The following SLU7 variants were observed in gnomAD, a reference collection of about 807,000 sequenced individuals.
The protein encoded by SLU7 is pre-mRNA-splicing factor SLU7.
SLU7 carries 60 observed loss-of-function variants against 87.0 expected under a neutral mutation model. The observed-to-expected ratio is 0.69, with a 90% confidence interval of 0.56 to 0.86. The LOEUF is 0.86. SLU7 is among the 40% of genes least tolerant of loss of function. The probability of loss-of-function intolerance (pLI) is 0.00; values close to 1 mark genes in which losing one functional copy is unlikely to be tolerated. For missense variants in SLU7, 507 were observed against 686.6 expected, an observed-to-expected ratio of 0.74 and a Z score of 2.92; for synonymous variants, 197 against 222.0, an observed-to-expected ratio of 0.89 and a Z score of 1.00.
At chr5:160,412,305 C>T in intron 6 of SLU7, 146 bp downstream of exon 6, 1 of 567,622 alleles carries the variant, frequency 1.8e-6, no homozygotes, top group African/African-American at 1.9e-5. Flanking sequence ...TTACTATGAA[C>T]TGTATACAAA....
At chr5:160,408,859 AT>A (rs1302150107) in intron 6 of SLU7, among the ~76,000 whole-genome samples, 162 bp from the exon 7 acceptor site, 19 of 52,756 alleles carry the variant, frequency 3.6e-4, no homozygotes, top group Non-Finnish European at 6.2e-4. Flanking sequence ...TATAATAAAT[AT>A]TTATTATATA....
At chr5:160,417,812 G>A (rs1052909599) in intron 1 of SLU7, among the ~76,000 whole-genome samples, 18 of 112,370 alleles carry the variant, frequency 1.6e-4, no homozygotes, top group Non-Finnish European at 3.6e-4. Flanking sequence ...AAAAAAAAAT[G>A]ACGCTCCAAA....
Position 160,406,575 on chromosome 5 carries a change from T to C in SLU7, c.1180A>G (p.Thr394Ala). ...CTTGAGTACTCCACATAGTCTTCAG[T>C]CTGGGCTAAAAGCAATTCAGCTGGA... ...APPAELLLAQ[T>A]EDYVEYSRHG... The change falls in exon 12 of 16, where the codon ACT becomes GCT. Residue 394 changes from threonine to alanine, a missense_variant. Coordinates refer to ENST00000297151, the MANE Select transcript of SLU7 (RefSeq NM_006425.5). The C allele has an allele frequency of 1.2e-6, 2 of 1,613,502 alleles. No individual in the cohort carries two copies. The highest frequency in any genetic ancestry group is 1.7e-6 in the Non-Finnish European group (2 of 1,179,674).
Position 160,408,759 on chromosome 5 carries a change from T to C in SLU7, c.640-62A>G, listed in dbSNP as rs1348813827. ...ATTCCACTTAATCCAATTAACTTTA[T>C]TATTAAGATAATAAAGTATTATTAT... On this transcript the variant is annotated intron_variant, in intron 6 of 15. Coordinates refer to ENST00000297151, the MANE Select transcript of SLU7 (RefSeq NM_006425.5). 6 of 560,684 alleles carry C rather than the reference T, an allele frequency of 1.1e-5. No homozygotes were observed. In the East Asian group the frequency reaches 1.6e-4, roughly 15 times the overall value. 34.7% of individuals were successfully genotyped at this position (560,684 alleles called of 1,614,324 possible).
At chr5:160,404,992 G>C (rs541414621) in intron 13 of SLU7, 39 bp downstream of exon 13, 1 of 1,559,388 alleles carries the variant, frequency 6.4e-7, no homozygotes, top group African/African-American at 1.4e-5. Context: ...AGGAGCTTCG[G>C]TTGTTTTATA....
rs1344219803 is a variant in SLU7, at chr5:160,407,484, G to A, written c.1117C>T (p.Leu373=). The A allele has an allele frequency of 6.2e-7, 1 of 1,606,172 alleles. No homozygotes were observed. Among genetic ancestry groups the A allele is most frequent in the Non-Finnish European group, 8.5e-7 (1 of 1,177,706 alleles). ...ATTTTGGTCAAAATTACCTTTTCCA[G>A]GATGCTTTCTTTCTGCTGTTCTTTG... is the stretch of plus-strand genomic sequence containing the variant. ...DFKEQQKESI[L]EKYGGQEHLD... The change falls in exon 11 of 16, where the codon CTG becomes TTG. Residue 373 remains leucine (L), a synonymous_variant. Coordinates refer to ENST00000297151, the MANE Select transcript of SLU7 (RefSeq NM_006425.5). The surrounding 1 kb of genome is among the most constrained non-coding windows in gnomAD (Gnocchi z 4.2).
chr5:160,406,040 C>T lies in SLU7; in HGVS notation c.1287+428G>A, dbSNP rs77791876. ...TTAATTTTCTGAAGTGCAATAATGT[C>T]GATGTGGTTATATAGAAGAAAATCC... On this transcript the variant is annotated intron_variant, in intron 12 of 15. Coordinates refer to ENST00000297151, the MANE Select transcript of SLU7 (RefSeq NM_006425.5). Among the ~76,000 whole-genome samples, 1,032 of 152,126 alleles carry T rather than the reference C, an allele frequency of 6.8e-3. 11 individuals carry two copies. The highest frequency in any genetic ancestry group is 0.02 in the South Asian group (98 of 4,814).
In SLU7 at chr5:160,415,227, T is replaced by C; in HGVS notation, c.68A>G (p.Glu23Gly). The change falls in exon 2 of 16, where the codon GAA becomes GGA. Residue 23 changes from glutamate (E) to glycine (G), a missense_variant. Glu to Gly is a moderately conservative substitution (Grantham distance 98, BLOSUM62 -2). This residue lies in a region of SLU7 where 33 missense variants were observed against 37.3 expected (regional missense o/e 0.88). Coordinates refer to ENST00000297151, the MANE Select transcript of SLU7 (RefSeq NM_006425.5). Reference protein sequence around the residue: ...PLSGSKEMSLEEPKKMTREDW... With the variant: ...PLSGSKEMSLGEPKKMTREDW... ...CTCTCTGGTCATCTTCTTTGGTTCT[T>C]CCAAACTCATTTCTTTGGACCCCGA... 6.2e-7 allele frequency: 1 copy of C among 1,611,324 alleles called. No homozygotes were observed. The highest frequency in any genetic ancestry group is 2.2e-5 in the East Asian group (1 of 44,682).
At chr5:160,416,487 G>C (rs910017562) in intron 1 of SLU7, among the ~76,000 whole-genome samples, 1 of 152,296 alleles carries the variant, frequency 6.6e-6, no homozygotes, top group Middle Eastern at 3.4e-3. Context: ...TTAGAGGCCA[G>C]AGGCATTTAA....
In SLU7 at chr5:160,402,663, TAC is replaced by T. The variant is rs1764828664; in HGVS notation, c.*620_*621del. On this transcript the variant is annotated 3_prime_UTR_variant, in exon 16 of 16. Transcript: ENST00000297151. ...GCAATAAAGTTTGAAGCTTAATAAA[TAC>T]AGAGAAAGAGACATTCTTAATAGGT... 7.2e-5 allele frequency: 11 copies of T among 152,194 alleles called. No homozygotes were observed. The highest frequency in any genetic ancestry group is 5.9e-4 in the Admixed American group (9 of 15,276). 9.4% of individuals were successfully genotyped at this position (152,194 alleles called of 1,614,324 possible).
At position 160,414,462 on chromosome 5, in the gene SLU7, G is replaced by A. The variant is rs776898578; in HGVS notation, c.181C>T (p.Pro61Ser). 1 of 1,542,576 alleles carries A rather than the reference G, an allele frequency of 6.5e-7. No individual in the cohort carries two copies. Reference sequence around the variant, plus strand: ...GAAGAAATATACTGAGGAATATGGGGGTTGATGTCTCTGTAATTAAAGTAA... The same window carrying A: ...GAAGAAATATACTGAGGAATATGGGAGTTGATGTCTCTGTAATTAAAGTAA... ...EVDEEGKDIN[P>S]HIPQYISSVP... The change falls in exon 3 of 16, where the codon CCC becomes TCC. Residue 61 changes from proline (P) to serine (S), a missense_variant. Physicochemically the swap from Pro to Ser is moderately conservative, Grantham distance 74. Coordinates refer to ENST00000297151, the MANE Select transcript of SLU7 (RefSeq NM_006425.5).
At position 160,403,290 on chromosome 5, in the gene SLU7, G is replaced by A. The variant is rs2113089367; in HGVS notation, c.1756C>T (p.Gln586Ter). Residue 586 changes from glutamine to a stop codon, truncating the protein, a stop_gained, in exon 16 of 16, where the codon CAG becomes TAG. Transcript: ENST00000297151. LOFTEE classifies it high-confidence loss of function. Reference sequence around the variant, plus strand: ...GATGGTCTTCTGACTAGTTGCTACTGTCCAAGGAAAGAGGCCATGGGGTCA... The same window carrying A: ...GATGGTCTTCTGACTAGTTGCTACTATCCAAGGAAAGAGGCCATGGGGTCA... Reference protein sequence around the residue: ...PDDPMASFLGQ With the variant: ...PDDPMASFLG The A allele has an allele frequency of 6.3e-7, 1 of 1,597,174 alleles. No individual in the cohort carries two copies. Among genetic ancestry groups the A allele is most frequent in the South Asian group, 1.1e-5 (1 of 88,260 alleles).
chr5:160,403,516 T>A, intron 15 of SLU7, 52 bp from the exon 16 acceptor site: 1 of 1,471,694 alleles, frequency 6.8e-7, no homozygotes, highest in Non-Finnish European at 9.1e-7. Context: ...AGATGTCTTT[T>A]CTTCAAAAGT....
chr5:160,412,810 C>T (rs988024188), intron 5 of SLU7, among the ~76,000 whole-genome samples: 3 of 152,016 alleles, frequency 2.0e-5, no homozygotes, highest in Admixed American at 1.3e-4. Flanking sequence ...CAAAAACAAG[C>T]AGTTGCCACA....
chr5:160,415,405 A>T, intron 1 of SLU7, 95 bp from the exon 2 acceptor site: 1 of 939,830 alleles, frequency 1.1e-6, no homozygotes, highest in Non-Finnish European at 1.5e-6. Context: ...ACTGTTTCAT[A>T]TGTTTTTTTT....
intron 1 of SLU7, among the ~76,000 whole-genome samples, chr5:160,416,339 C>T (rs968636488): frequency 3.3e-5 from 5 of 152,154 alleles, no homozygotes; most frequent in African/African-American, 1.2e-4. Context: ...CTTCAATGGT[C>T]ACAATACAAC....
At chr5:160,413,397 G>C in intron 5 of SLU7, 59 bp downstream of exon 5, 1 of 1,487,098 alleles carries the variant, frequency 6.7e-7, no homozygotes, top group South Asian at 1.2e-5. Flanking sequence ...AGAGCTGCTA[G>C]AGATACAGCA....
chr5:160,408,282 GAAGAC>G, intron 8 of SLU7, 42 bp downstream of exon 8: 1 of 1,573,540 alleles, frequency 6.4e-7, no homozygotes. Context: ...TTTATGCTGG[GAAGAC>G]AAGTATTTTT....
rs1764803817 is a variant in SLU7 at position 160,402,050 on chromosome 5, C to T, written c.*1235G>A. ...TTCACAGTGTTCTGAGAAGAGGCTT[C>T]AGGATCATGGCAATCTATTACTAAT... is the stretch of plus-strand genomic sequence containing the variant. On this transcript the variant is annotated 3_prime_UTR_variant, in exon 16 of 16. Coordinates refer to ENST00000297151, the MANE Select transcript of SLU7 (RefSeq NM_006425.5). The T allele has an allele frequency of 2.0e-5, 3 of 152,300 alleles. No homozygotes were observed. In the South Asian group the frequency reaches 6.2e-4, roughly 32 times the overall value. The allele number at this position is 152,300 out of a possible 1,614,324, so 9.4% of individuals were successfully genotyped here.
Sources: gnomAD v4.1 joint callset for allele counts (sites outside exome capture counted in the v4.1 genomes callset) on GRCh38, gnomAD v4.1.1 for gene constraint, gnomAD v4.1.1 regional missense constraint, Gnocchi (gnomAD v3.1) non-coding constraint, MANE v1.5 for transcripts, NCBI Gene and HGNC (gene_info 2026-07-23, HGNC 2026-07-21) for gene names.